Variants in CAMTA1 observed in about 807,000 individuals in gnomAD.
The protein encoded by CAMTA1 is calmodulin binding transcription activator 1.
A neutral mutation model predicts 170.9 loss-of-function variants in CAMTA1; 27 were observed. That is an observed-to-expected ratio of 0.16 (90% confidence interval 0.12 to 0.22). The LOEUF is 0.22. CAMTA1 is among the 10% of genes least tolerant of loss of function. CAMTA1 has a pLI of 1.00. For missense variants in CAMTA1, 1,619 were observed against 2,217.2 expected, an observed-to-expected ratio of 0.73 and a Z score of 5.42; for synonymous variants, 833 against 891.5, an observed-to-expected ratio of 0.93 and a Z score of 1.17.
At chr1:6,932,099 C>T (rs1246237566) in intron 3 of CAMTA1, among the ~76,000 whole-genome samples, 4 of 152,182 alleles carry the variant, frequency 2.6e-5, no homozygotes, top group Admixed American at 2.6e-4. Context: ...TGAGTTCTGG[C>T]ATCACCATCG....
chr1:7,385,210 C>A (rs997452296), intron 5 of CAMTA1, among the ~76,000 whole-genome samples: 1 of 151,842 alleles, frequency 6.6e-6, no homozygotes, highest in East Asian at 1.9e-4. Context: ...CTGCCTCAGC[C>A]TCCTGAGTAG....
intron 3 of CAMTA1, among the ~76,000 whole-genome samples, chr1:6,883,814 T>C (rs1672323312): frequency 6.6e-6 from 1 of 152,190 alleles, no homozygotes; most frequent in Admixed American, 6.5e-5. Flanking sequence ...TTTAATGTTC[T>C]AGTAACCATA....
intron 3 of CAMTA1, among the ~76,000 whole-genome samples, chr1:6,899,080 G>T (rs1676293151): frequency 6.6e-6 from 1 of 152,110 alleles, no homozygotes; most frequent in South Asian, 2.1e-4. Flanking sequence ...GGTGGGGAGG[G>T]TTTGCTGCCA....
chr1:7,398,193 C>CTCTCTCTATATATATATATATA (rs1557651862), intron 5 of CAMTA1, among the ~76,000 whole-genome samples: 2 of 16,900 alleles, frequency 1.2e-4, no homozygotes, highest in Non-Finnish European at 2.2e-4. Flanking sequence ...CTCTCTCTCT[C>CTCTCTCTATATATATATATATA]TATATATATA....
intron 1 of CAMTA1, among the ~76,000 whole-genome samples, chr1:6,792,473 G>A (rs1247114181): frequency 1.3e-5 from 2 of 151,498 alleles, no homozygotes; most frequent in East Asian, 3.9e-4. Context: ...TGTTTCCTGA[G>A]CATTTTTTTT....
At position 7,178,689 on chromosome 1, in the gene CAMTA1, A is replaced by G. The variant is rs565206871; in HGVS notation, c.303-70802A>G. ...GAATGGGTAGGGTGGGGGTTCCGTA[A>G]AGAGCTAGAGGGAGAAGGGCACTTG... On this transcript the variant is annotated intron_variant, in intron 4 of 22. Coordinates refer to ENST00000303635, the MANE Select transcript of CAMTA1 (RefSeq NM_015215.4). Among the ~76,000 whole-genome samples, 3 of 152,290 alleles carry G rather than the reference A, an allele frequency of 2.0e-5. No individual in the cohort carries two copies. The South Asian group carries it at 6.2e-4, about 32-fold the overall frequency.
At chr1:7,187,756 C>T (rs1276950541) in intron 4 of CAMTA1, among the ~76,000 whole-genome samples, 2 of 152,184 alleles carry the variant, frequency 1.3e-5, no homozygotes, top group Non-Finnish European at 2.9e-5. Flanking sequence ...GTTTACCCAC[C>T]CTTTCCCCCT....
chr1:7,127,322 T>A (rs370958746), intron 4 of CAMTA1, among the ~76,000 whole-genome samples: 1 of 148,378 alleles, frequency 6.7e-6, no homozygotes, highest in Admixed American at 6.8e-5. Flanking sequence ...CTTCAACCGT[T>A]GCACCCAGGG....
rs375523562 is a variant in CAMTA1 at position 7,276,307 on chromosome 1, T to A, written c.438+26681T>A. 7.2e-3 allele frequency among the ~76,000 whole-genome samples: 350 copies of A among 48,362 alleles called. 1 individual carries two copies. Among genetic ancestry groups the A allele is most frequent in the East Asian group, 0.018 (18 of 1,020 alleles). 31.7% of individuals were successfully genotyped at this position (48,362 alleles called of 152,430 possible). A position where few individuals can be genotyped will look rare whatever the true frequency, so the allele number is the denominator to read the frequency against. ...TATATATATATATATATATATATTT[T>A]TTTTTTTTTTTTTTCTTTTTGAGAC... On this transcript the variant is annotated intron_variant, in intron 5 of 22. Coordinates refer to ENST00000303635, the MANE Select transcript of CAMTA1 (RefSeq NM_015215.4).
At chr1:7,310,718 CTTT>C (rs1676561453) in intron 5 of CAMTA1, among the ~76,000 whole-genome samples, 1 of 62,578 alleles carries the variant, frequency 1.6e-5, no homozygotes, top group African/African-American at 8.8e-5. Flanking sequence ...TTCTTTCTTT[CTTT>C]CTTTCTTTCT....
At chr1:7,284,171 CTTCTTCTTA>C (rs1215138853) in intron 5 of CAMTA1, among the ~76,000 whole-genome samples, 1,967 of 115,394 alleles carry the variant, frequency 0.017, 13 homozygotes, top group Middle Eastern at 0.02. Flanking sequence ...TCTTCTTCTT[CTTCTTCTTA>C]TTATTATTAT....
Position 7,738,839 on chromosome 1 carries a change from A to G in CAMTA1, c.4182+357A>G, listed in dbSNP as rs1049358076. Among the ~76,000 whole-genome samples, 17 of 149,800 alleles carry G rather than the reference A, an allele frequency of 1.1e-4. No homozygotes were observed. The South Asian group carries it at 3.0e-3, about 27-fold the overall frequency. ...ACTAGTTACTAGTTAGAATATAGTC[A>G]AGACCTAAAAATAGCTAGAACAGGA... On this transcript the variant is annotated intron_variant, in intron 16 of 22. Transcript: ENST00000303635. The surrounding 1 kb of genome is among the most constrained non-coding windows in gnomAD (Gnocchi z 4.9).
intron 7 of CAMTA1, among the ~76,000 whole-genome samples, chr1:7,657,200 C>A (rs948026043): frequency 6.6e-6 from 1 of 152,216 alleles, no homozygotes; most frequent in African/African-American, 2.4e-5. Context: ...CCATGCCAGC[C>A]CTTTCTTCTC....
At chr1:7,136,194 C>CTCAGCT (rs1645534244) in intron 4 of CAMTA1, among the ~76,000 whole-genome samples, 1 of 152,216 alleles carries the variant, frequency 6.6e-6, no homozygotes, top group Non-Finnish European at 1.5e-5. Context: ...CCTCCACACT[C>CTCAGCT]TCAGCTTTTG....
chr1:7,439,797 G>A (rs1018632862), intron 5 of CAMTA1, among the ~76,000 whole-genome samples: 1 of 152,190 alleles, frequency 6.6e-6, no homozygotes, highest in Admixed American at 6.5e-5. Context: ...GGGAGGGAGA[G>A]TGCCGAGCCC....
intron 3 of CAMTA1, among the ~76,000 whole-genome samples, chr1:6,902,989 AT>A (rs1677466881): frequency 1.3e-5 from 2 of 152,252 alleles, no homozygotes; most frequent in Admixed American, 6.5e-5. Flanking sequence ...AAATGAAAAT[AT>A]ATGTTCCCAA....
chr1:7,324,476 T>TA (rs2149703662), intron 5 of CAMTA1, among the ~76,000 whole-genome samples: 1 of 152,366 alleles, frequency 6.6e-6, no homozygotes, highest in East Asian at 1.9e-4. Flanking sequence ...TGTTTGAATT[T>TA]ATTTTTTCCA....
chr1:6,906,138 G>A (rs1231708126), intron 3 of CAMTA1, among the ~76,000 whole-genome samples: 1 of 152,172 alleles, frequency 6.6e-6, no homozygotes, highest in African/African-American at 2.4e-5. Context: ...CTTTCCAGTG[G>A]GTGATGCTAA....
intron 4 of CAMTA1, among the ~76,000 whole-genome samples, chr1:7,104,132 TAC>T (rs1643288659): frequency 1.3e-5 from 1 of 79,258 alleles, no homozygotes; most frequent in Non-Finnish European, 2.6e-5. Context: ...CACACATAAC[TAC>T]ACACGTACAC....
Sources: gnomAD v4.1 joint callset for allele counts (sites outside exome capture counted in the v4.1 genomes callset) on GRCh38, gnomAD v4.1.1 for gene constraint, Gnocchi (gnomAD v3.1) non-coding constraint, MANE v1.5 for transcripts, NCBI Gene and HGNC (gene_info 2026-07-23, HGNC 2026-07-21) for gene names.